Variants in VWA3B observed in about 807,000 individuals in gnomAD.
VWA3B encodes von Willebrand factor A domain-containing protein 3B.
VWA3B carries 138 observed loss-of-function variants against 158.3 expected under a neutral mutation model. The ratio of observed to expected loss-of-function variants is 0.87; its 90% CI spans 0.76 to 1.00. The LOEUF (loss-of-function observed/expected upper bound fraction) is 1.00. Ranked by LOEUF, VWA3B falls within the 50% of genes least tolerant of loss-of-function variation. The pLI, the probability that VWA3B is intolerant of heterozygous loss-of-function variation, is 0.00. For missense variants in VWA3B, 1,555 were observed against 1,565.1 expected, an observed-to-expected ratio of 0.99 and a Z score of 0.11; for synonymous variants, 596 against 587.3, an observed-to-expected ratio of 1.01 and a Z score of -0.21.
intron 26 of VWA3B, among the ~76,000 whole-genome samples, chr2:98,310,167 C>G (rs1030269891): frequency 1.3e-5 from 2 of 152,212 alleles, no homozygotes; most frequent in Admixed American, 1.3e-4. Flanking sequence ...GGTGCCTACT[C>G]CATGGGTCCT....
chr2:98,223,689 A>G (rs1199251363), intron 14 of VWA3B, among the ~76,000 whole-genome samples: 2 of 152,194 alleles, frequency 1.3e-5, no homozygotes, highest in East Asian at 3.8e-4. Flanking sequence ...TATGAAAGGA[A>G]AGAACCATTA....
Position 98,133,929 on chromosome 2 carries a change from ACT to A in VWA3B, c.980_981del (p.Leu327ProfsTer52). On this transcript the variant is annotated frameshift_variant, in exon 7 of 28. Coordinates refer to ENST00000477737, the MANE Select transcript of VWA3B (RefSeq NM_144992.5). LOFTEE classifies it high-confidence loss of function. ...TWNSRKLKGK[L>X]PPGAGVREDV... ...GGAATTCAAGGAAACTGAAAGGAAA[ACT>A]CCCTCCAGGTACCTGGAATCCAAAA... is the stretch of plus-strand genomic sequence containing the variant. The A allele has an allele frequency of 3.1e-6, 5 of 1,613,964 alleles. No homozygotes were observed. The highest frequency in any genetic ancestry group is 4.2e-6 in the Non-Finnish European group (5 of 1,179,974).
At chr2:98,229,262 A>G (rs1685159346) in intron 15 of VWA3B, among the ~76,000 whole-genome samples, 1 of 152,256 alleles carries the variant, frequency 6.6e-6, no homozygotes, top group Admixed American at 6.5e-5. Context: ...CAAACCATGC[A>G]GTAAGAGAAT....
At chr2:98,293,780 G>A (rs764973133) in intron 23 of VWA3B, among the ~76,000 whole-genome samples, 1 of 151,992 alleles carries the variant, frequency 6.6e-6, no homozygotes, top group Non-Finnish European at 1.5e-5. Context: ...TTCAAAAAAC[G>A]TAACACTATT....
In VWA3B at chr2:98,187,983, C is replaced by A; in HGVS notation, c.1320C>A (p.Asn440Lys). 6.2e-7 allele frequency: 1 copy of A among 1,611,752 alleles called. No individual in the cohort carries two copies. The highest frequency in any genetic ancestry group is 1.7e-5 in the Admixed American group (1 of 59,776). ...CTTTGTCATCTCCTTAGGAGACGAA[C>A]AAGAAGACAGTCCATGCAAAATATT... is the stretch of plus-strand genomic sequence containing the variant. ...NESVQTSAET[N>K]KKTVHAKYCS... The change falls in exon 10 of 28, where the codon AAC becomes AAA. Residue 440 changes from asparagine (N) to lysine (K), a missense_variant. By Grantham distance (94) the Asn-to-Lys change is moderately conservative (BLOSUM62 0). Transcript: ENST00000477737.
At chr2:98,151,598 G>C (rs1298774048) in intron 7 of VWA3B, among the ~76,000 whole-genome samples, 1 of 152,158 alleles carries the variant, frequency 6.6e-6, no homozygotes, top group African/African-American at 2.4e-5. Context: ...TTGATGAACA[G>C]TTGTGATTCC....
intron 9 of VWA3B, among the ~76,000 whole-genome samples, chr2:98,181,634 G>A (rs561055236): frequency 6.6e-6 from 1 of 152,300 alleles, no homozygotes; most frequent in Admixed American, 6.5e-5. Context: ...CTAGCAGCCA[G>A]CATACAGCGC....
chr2:98,242,754 T>A (rs1368732939), intron 19 of VWA3B, among the ~76,000 whole-genome samples: 2 of 149,496 alleles, frequency 1.3e-5, no homozygotes, highest in Non-Finnish European at 3.0e-5. Flanking sequence ...AAGCATTTGC[T>A]ATCATCAAAT....
At chr2:98,112,526 C>T (rs1322048163) in intron 2 of VWA3B, among the ~76,000 whole-genome samples, 1 of 151,904 alleles carries the variant, frequency 6.6e-6, no homozygotes, top group Non-Finnish European at 1.5e-5. Context: ...GTAACATTTT[C>T]CTTCCATATG....
Position 98,229,915 on chromosome 2 carries a change from A to T in VWA3B, c.2151-135A>T, listed in dbSNP as rs1574143624. ...GGGATAAATGACTATTTTTATATTA[A>T]CCCAGATGGGGGAAGGCTTACTTTT... On this transcript the variant is annotated intron_variant, in intron 15 of 27. Coordinates refer to ENST00000477737, the MANE Select transcript of VWA3B (RefSeq NM_144992.5). 5.1e-6 allele frequency: 5 copies of T among 975,988 alleles called. No homozygotes were observed. The East Asian group carries it at 1.1e-4, about 22-fold the overall frequency. The allele number at this position is 975,988 out of a possible 1,614,324, so 60.5% of individuals were successfully genotyped here. A position where few individuals can be genotyped will look rare whatever the true frequency, so the allele number is the denominator to read the frequency against.
chr2:98,162,893 T>C lies in VWA3B; in HGVS notation c.1031T>C (p.Met344Thr), dbSNP rs1286491495. ...REDVFLVWQEMEEACSTLAQI... is the reference protein window; with the variant it reads ...REDVFLVWQETEEACSTLAQI... ...GACGTGTTTCTCGTTTGGCAAGAGA[T>C]GGAGGAAGCCTGCAGCACGCTGGCC... The change falls in exon 8 of 28, where the codon ATG becomes ACG. Residue 344 changes from methionine to threonine, a missense_variant. Physicochemically the swap from Met to Thr is moderately conservative, Grantham distance 81. Coordinates refer to ENST00000477737, the MANE Select transcript of VWA3B (RefSeq NM_144992.5). 6.2e-7 allele frequency: 1 copy of C among 1,613,838 alleles called. No individual in the cohort carries two copies. Among genetic ancestry groups the C allele is most frequent in the Non-Finnish European group, 8.5e-7 (1 of 1,180,040 alleles).
chr2:98,139,533 T>G (rs1426623226), intron 7 of VWA3B, among the ~76,000 whole-genome samples: 2 of 151,940 alleles, frequency 1.3e-5, no homozygotes, highest in Non-Finnish European at 2.9e-5. Flanking sequence ...CAATCGGCAC[T>G]CTGTGTCTAG....
At chr2:98,134,066 G>A in intron 7 of VWA3B, 127 bp downstream of exon 7, 1 of 764,572 alleles carries the variant, frequency 1.3e-6, no homozygotes, top group East Asian at 2.6e-5. Flanking sequence ...TTAATGTAGT[G>A]CAAGAGCAGA....
At chr2:98,226,853 G>A (rs796999534) in intron 14 of VWA3B, among the ~76,000 whole-genome samples, 11 of 152,150 alleles carry the variant, frequency 7.2e-5, no homozygotes, top group African/African-American at 2.6e-4. Flanking sequence ...CATCCCTTCA[G>A]GTTAAAAACT....
intron 12 of VWA3B, among the ~76,000 whole-genome samples, chr2:98,203,116 C>A (rs995766620): frequency 3.9e-5 from 6 of 152,216 alleles, no homozygotes; most frequent in African/African-American, 1.2e-4. Flanking sequence ...CAGGCGTGAG[C>A]CACCACACCC....
chr2:98,164,956 T>TA (rs775235445), intron 8 of VWA3B, among the ~76,000 whole-genome samples: 5 of 152,250 alleles, frequency 3.3e-5, no homozygotes, highest in Non-Finnish European at 7.3e-5. Flanking sequence ...TTGTCTCTTT[T>TA]AGCCTTATTC....
At chr2:98,143,892 A>G (rs1676975673) in intron 7 of VWA3B, among the ~76,000 whole-genome samples, 1 of 151,666 alleles carries the variant, frequency 6.6e-6, no homozygotes, top group Non-Finnish European at 1.5e-5. Flanking sequence ...CTGGGACTAC[A>G]GGTGTGCACC....
chr2:98,302,541 T>C (rs180731822), intron 25 of VWA3B, among the ~76,000 whole-genome samples: 177 of 152,350 alleles, frequency 1.2e-3, no homozygotes, highest in Admixed American at 1.6e-3. Flanking sequence ...TAACAGTGGC[T>C]CTTTCTTAGG....
chr2:98,171,739 A>G (rs972355596), intron 8 of VWA3B, among the ~76,000 whole-genome samples: 16 of 152,174 alleles, frequency 1.1e-4, no homozygotes, highest in African/African-American at 3.9e-4. Context: ...TGAGGGGACA[A>G]ACAGGATGAG....
Sources: gnomAD v4.1 joint callset for allele counts (sites outside exome capture counted in the v4.1 genomes callset) on GRCh38, gnomAD v4.1.1 for gene constraint, MANE v1.5 for transcripts, NCBI Gene and HGNC (gene_info 2026-07-23, HGNC 2026-07-21) for gene names.